The following GNAQ variants were observed in gnomAD, a reference collection of about 807,000 sequenced individuals.
The protein encoded by GNAQ is guanine nucleotide-binding protein G(q) subunit alpha.
GNAQ carries 8 observed loss-of-function variants against 43.9 expected under a neutral mutation model. The ratio of observed to expected loss-of-function variants is 0.18; its 90% CI spans 0.11 to 0.33. GNAQ has a LOEUF of 0.33. GNAQ is among the 10% of genes least tolerant of loss of function. GNAQ has a pLI of 1.00. For synonymous variants in GNAQ, 155 were observed against 170.7 expected (o/e 0.91, Z 0.71); for missense variants, 158 against 450.8 (o/e 0.35, Z 5.88).
intron 2 of GNAQ, among the ~76,000 whole-genome samples, chr9:77,877,612 T>C (rs1238855322): frequency 6.6e-6 from 1 of 152,196 alleles, no homozygotes; most frequent in Non-Finnish European, 1.5e-5. Context: ...ACAATTACCG[T>C]AACCTACTTT....
chr9:77,999,260 T>C (rs1823615051), intron 1 of GNAQ, among the ~76,000 whole-genome samples: 1 of 152,194 alleles, frequency 6.6e-6, no homozygotes. Context: ...ATGATTCAAT[T>C]CTAGTCATCT....
chr9:77,862,009 A>T (rs13296590), intron 2 of GNAQ, among the ~76,000 whole-genome samples: 21 of 20,864 alleles, frequency 1.0e-3, no homozygotes, highest in Admixed American at 9.7e-3. Flanking sequence ...TGTCTGGGGT[A>T]AAAAAAAAAA....
intron 6 of GNAQ, among the ~76,000 whole-genome samples, chr9:77,724,042 T>C (rs1825359916): frequency 6.6e-6 from 1 of 152,186 alleles, no homozygotes; most frequent in African/African-American, 2.4e-5. Context: ...TAGGTACCGA[T>C]AGATATATTA....
chr9:77,968,155 A>G (rs935163114), intron 1 of GNAQ, among the ~76,000 whole-genome samples: 3 of 152,218 alleles, frequency 2.0e-5, no homozygotes, highest in Non-Finnish European at 4.4e-5. Flanking sequence ...ACTTAAAAAA[A>G]CCACTGAGTA....
chr9:77,740,028 C>T (rs1038300578), intron 5 of GNAQ, among the ~76,000 whole-genome samples: 5 of 152,052 alleles, frequency 3.3e-5, no homozygotes, highest in Non-Finnish European at 7.4e-5. Flanking sequence ...GTGTGTTAGG[C>T]CAGGAAAATC....
At chr9:77,765,466 T>C (rs1032627061) in intron 5 of GNAQ, among the ~76,000 whole-genome samples, 2 of 152,072 alleles carry the variant, frequency 1.3e-5, no homozygotes, top group African/African-American at 2.4e-5. Flanking sequence ...AGGACATGAA[T>C]AGACATTTCT....
At chr9:77,741,647 A>C (rs760166842) in intron 5 of GNAQ, among the ~76,000 whole-genome samples, 1 of 152,336 alleles carries the variant, frequency 6.6e-6, no homozygotes, top group South Asian at 2.1e-4. Flanking sequence ...ACACATGTAA[A>C]AAATGCCTTT....
chr9:78,023,920 AAC>A (rs1464299395), intron 1 of GNAQ, among the ~76,000 whole-genome samples: 1 of 148,184 alleles, frequency 6.7e-6, no homozygotes, highest in Non-Finnish European at 1.5e-5. Flanking sequence ...TGTGTGTATA[AAC>A]ACACACATAT....
intron 2 of GNAQ, among the ~76,000 whole-genome samples, chr9:77,873,069 C>T (rs1480095898): frequency 6.6e-6 from 1 of 152,176 alleles, no homozygotes. Flanking sequence ...AAGTATAATA[C>T]AATAAGATTT....
intron 2 of GNAQ, among the ~76,000 whole-genome samples, chr9:77,832,133 T>A (rs929356559): frequency 6.6e-6 from 1 of 151,602 alleles, no homozygotes; most frequent in Non-Finnish European, 1.5e-5. Context: ...ATGTTCTCCA[T>A]ACTGTACCCA....
At chr9:77,979,336 A>C (rs1419551441) in intron 1 of GNAQ, among the ~76,000 whole-genome samples, 2 of 149,826 alleles carry the variant, frequency 1.3e-5, no homozygotes, top group Non-Finnish European at 3.0e-5. Context: ...AGCCTGGGCA[A>C]CAAGAGCGAG....
chr9:77,889,895 T>C lies in GNAQ; in HGVS notation c.321+32266A>G, dbSNP rs573610729. 1.6e-3 allele frequency among the ~76,000 whole-genome samples: 248 copies of C among 152,362 alleles called. 2 individuals are homozygous for C. The highest frequency in any genetic ancestry group is 5.1e-3 in the African/African-American group (211 of 41,588). Reference sequence around the variant, plus strand: ...ATTTCATCCCAAATGAAGCTTTTGCTTCCATCTTTCCAGTTATCCGAAATG... The same window carrying C: ...ATTTCATCCCAAATGAAGCTTTTGCCTCCATCTTTCCAGTTATCCGAAATG... On this transcript the variant is annotated intron_variant, in intron 2 of 6. Transcript: ENST00000286548.
At chr9:78,012,895 GTATGAAATT>G (rs1207141591) in intron 1 of GNAQ, among the ~76,000 whole-genome samples, 1 of 152,154 alleles carries the variant, frequency 6.6e-6, no homozygotes, top group Non-Finnish European at 1.5e-5. Context: ...TAAACTCTAG[GTATGAAATT>G]TGAGAAACTA....
chr9:77,735,627 T>G (rs2378081), intron 5 of GNAQ, among the ~76,000 whole-genome samples: 2 of 152,068 alleles, frequency 1.3e-5, no homozygotes, highest in African/African-American at 2.4e-5. Context: ...TCCTATCTGA[T>G]GTCAACGCTT....
intron 2 of GNAQ, among the ~76,000 whole-genome samples, chr9:77,867,723 G>T (rs1433335671): frequency 2.6e-5 from 4 of 152,162 alleles, no homozygotes; most frequent in Non-Finnish European, 4.4e-5. Context: ...ATGTGCAGGA[G>T]AACAATCCAG....
At position 77,716,315 on chromosome 9, in the gene GNAQ, G is replaced by C. The variant is rs1385493741; in HGVS notation, c.*5008C>G. 3 of 231,832 alleles carry C rather than the reference G, an allele frequency of 1.3e-5. No individual in the cohort carries two copies. Among genetic ancestry groups the C allele is most frequent in the African/African-American group, 6.6e-5 (3 of 45,268 alleles). The allele number at this position is 231,832 out of a possible 1,614,324, so 14.4% of individuals were successfully genotyped here. The stretch of plus-strand genomic sequence containing the variant: ...TGTATTTTTAACCAGCAAGATCATT[G>C]GGGCATTATTATACAACATTAGGTG... On this transcript the variant is annotated 3_prime_UTR_variant, in exon 7 of 7. Transcript: ENST00000286548.
At chr9:77,891,652 C>T (rs759098940) in intron 2 of GNAQ, among the ~76,000 whole-genome samples, 6 of 152,198 alleles carry the variant, frequency 3.9e-5, no homozygotes, top group South Asian at 2.1e-4. Flanking sequence ...CCCAAGTATA[C>T]GCTGTCTTTC....
At chr9:77,766,241 T>C (rs1217354312) in intron 5 of GNAQ, among the ~76,000 whole-genome samples, 1 of 152,204 alleles carries the variant, frequency 6.6e-6, no homozygotes, top group Non-Finnish European at 1.5e-5. Context: ...ACAATAAAAA[T>C]TTTTTATCAG....
chr9:78,010,641 A>C (rs1354285682), intron 1 of GNAQ, among the ~76,000 whole-genome samples: 2 of 152,178 alleles, frequency 1.3e-5, no homozygotes, highest in Non-Finnish European at 2.9e-5. Flanking sequence ...GCCCTCTAAA[A>C]ACAGCAACTT....
Sources: allele counts gnomAD v4.1 joint callset (sites outside exome capture counted in the v4.1 genomes callset), GRCh38; gene constraint gnomAD v4.1.1; transcripts MANE v1.5; gene names NCBI Gene and HGNC (gene_info 2026-07-23, HGNC 2026-07-21).